DNAAF9: variants seen among roughly 807,000 people sequenced by gnomAD.
DNAAF9 encodes the protein shulin.
Under a neutral mutation model 167.0 loss-of-function variants are expected in DNAAF9, and 90 were observed. The observed-to-expected ratio is 0.54, with a 90% CI of 0.45 to 0.64. The LOEUF is 0.64. DNAAF9 is among the 30% of genes least tolerant of loss of function. DNAAF9 has a pLI of 0.00. For missense variants in DNAAF9, 1,315 were observed against 1,442.2 expected (o/e 0.91, Z 1.43); for synonymous variants, 491 against 508.8 (o/e 0.96, Z 0.47).
intron 7 of DNAAF9, among the ~76,000 whole-genome samples, chr20:3,357,399 G>C (rs752201941): frequency 6.6e-6 from 1 of 152,014 alleles, no homozygotes; most frequent in Non-Finnish European, 1.5e-5. Flanking sequence ...TGAACCTGTG[G>C]GGGTGGAAGT....
At chr20:3,387,673 A>G (rs1020291408) in intron 1 of DNAAF9, among the ~76,000 whole-genome samples, 3 of 151,998 alleles carry the variant, frequency 2.0e-5, no homozygotes, top group Non-Finnish European at 4.4e-5. Flanking sequence ...CTGTGCATCA[A>G]ATGACACAAG....
At chr20:3,390,974 C>T (rs1008235503) in intron 1 of DNAAF9, among the ~76,000 whole-genome samples, 3 of 152,098 alleles carry the variant, frequency 2.0e-5, no homozygotes, top group Admixed American at 6.6e-5. Context: ...TTCAAAGTTA[C>T]AACCAGCAAG....
intron 3 of DNAAF9, among the ~76,000 whole-genome samples, chr20:3,379,732 T>A (rs2083622163): frequency 6.6e-6 from 1 of 152,156 alleles, no homozygotes; most frequent in Non-Finnish European, 1.5e-5. Flanking sequence ...TGTAGGAAAA[T>A]GCTCATTTCC....
intron 12 of DNAAF9, among the ~76,000 whole-genome samples, chr20:3,328,187 T>TTTTTTTTGTTTTGTTTTG (rs747702006): frequency 0.041 from 6,018 of 148,282 alleles, 192 homozygotes; most frequent in African/African-American, 0.085. Context: ...GGCTCTGTTT[T>TTTTTTTTGTTTTGTTTTG]TTTTTTTTTT....
intron 6 of DNAAF9, among the ~76,000 whole-genome samples, chr20:3,372,651 C>T (rs1401084213): frequency 6.6e-6 from 1 of 152,204 alleles, no homozygotes; most frequent in Non-Finnish European, 1.5e-5. Context: ...CAATGTGATT[C>T]TAGCTGCAGC....
intron 6 of DNAAF9, chr20:3,361,894 A>G: frequency 6.7e-7 from 1 of 1,493,726 alleles, no homozygotes; most frequent in East Asian, 2.3e-5. Context: ...TTGCTCTAAC[A>G]CTGTCCTTCA....
chr20:3,256,986 G>A (rs942194230), intron 33 of DNAAF9, among the ~76,000 whole-genome samples: 1 of 152,092 alleles, frequency 6.6e-6, no homozygotes, highest in African/African-American at 2.4e-5. Flanking sequence ...GGGCAACAGA[G>A]CAAGACCCTG....
intron 20 of DNAAF9, among the ~76,000 whole-genome samples, chr20:3,310,389 G>GAAAGAAAGA (rs973030792): frequency 1.3e-5 from 2 of 149,744 alleles, no homozygotes; most frequent in East Asian, 2.0e-4. Context: ...AAGAAAGAAA[G>GAAAGAAAGA]AATTCCTAAA....
intron 1 of DNAAF9, 61 bp downstream of exon 1, chr20:3,407,414 C>G: frequency 8.1e-7 from 1 of 1,232,212 alleles, no homozygotes; most frequent in Non-Finnish European, 1.0e-6. Flanking sequence ...GAGGCGTCGC[C>G]GGACCCCGAC....
chr20:3,330,479 T>C (rs2069804265), intron 12 of DNAAF9, among the ~76,000 whole-genome samples, 167 bp downstream of exon 12: 1 of 151,994 alleles, frequency 6.6e-6, no homozygotes, highest in Non-Finnish European at 1.5e-5. Context: ...TGGTCTCAAG[T>C]GATCCTCCCA....
At chr20:3,280,470 C>A (rs927264535) in intron 28 of DNAAF9, among the ~76,000 whole-genome samples, 3 of 151,274 alleles carry the variant, frequency 2.0e-5, no homozygotes, top group African/African-American at 7.3e-5. Context: ...GAGGCTGAGG[C>A]AAGAAAATCG....
intron 7 of DNAAF9, among the ~76,000 whole-genome samples, chr20:3,349,904 T>C (rs1449638598): frequency 1.3e-5 from 2 of 152,148 alleles, no homozygotes; most frequent in Non-Finnish European, 2.9e-5. Context: ...GGTATGTATG[T>C]TAGTCGCCCA....
At chr20:3,322,538 G>C in intron 15 of DNAAF9, 114 bp downstream of exon 15, 1 of 875,092 alleles carries the variant, frequency 1.1e-6, no homozygotes, top group South Asian at 1.4e-5. Flanking sequence ...ACCCTGGAGT[G>C]ATGTCACTGC....
rs141326195 is a variant in DNAAF9, at chr20:3,274,738, C to G, written c.2650+4174G>C. 3.7e-3 allele frequency among the ~76,000 whole-genome samples: 567 copies of G among 152,326 alleles called. 3 individuals are homozygous for G. Among genetic ancestry groups the G allele is most frequent in the Admixed American group, 5.2e-3 (80 of 15,304 alleles). ...ATTTCCACCACTACCACCATCAGCA[C>G]TGTCAATTGAGCATCAGCCTGAGAA... On this transcript the variant is annotated intron_variant, in intron 29 of 36. Transcript: ENST00000252032.
intron 1 of DNAAF9, among the ~76,000 whole-genome samples, chr20:3,396,339 AATTT>A (rs2083906720): frequency 6.6e-6 from 1 of 152,118 alleles, no homozygotes; most frequent in South Asian, 2.1e-4. Flanking sequence ...TTTTATTTAC[AATTT>A]ATTTACAGTT....
At chr20:3,278,731 C>T (rs572830818) in intron 29 of DNAAF9, among the ~76,000 whole-genome samples, 181 bp downstream of exon 29, 16 of 152,086 alleles carry the variant, frequency 1.1e-4, no homozygotes, top group African/African-American at 3.4e-4. Flanking sequence ...AAAAAAGAGA[C>T]AAGCTCTTGG....
rs763762685 is a variant in DNAAF9 at position 3,294,544 on chromosome 20, G to A, written c.2104C>T (p.Leu702Phe). The change falls in exon 24 of 37, where the codon CTC becomes TTC. Residue 702 changes from leucine to phenylalanine, a missense_variant. Coordinates refer to ENST00000252032, the MANE Select transcript of DNAAF9 (RefSeq NM_001009984.3). The part of the protein sequence containing the change: ...RSSLKLLSAK[L>F]PELDWFLQHF... ...AGAGCTTACCAGTCCAGCTCTGGGA[G>A]TTTGGCTGAGAGTAACTTTAGGGAA... 4 of 1,610,616 alleles carry A rather than the reference G, an allele frequency of 2.5e-6. No individual in the cohort carries two copies. The highest frequency in any genetic ancestry group is 1.1e-5 in the South Asian group (1 of 91,032).
At chr20:3,335,568 C>G (rs960318966) in intron 10 of DNAAF9, among the ~76,000 whole-genome samples, 1 of 151,700 alleles carries the variant, frequency 6.6e-6, no homozygotes, top group Non-Finnish European at 1.5e-5. Context: ...ACCAGCCTGG[C>G]CAACATAGTG....
At chr20:3,394,626 A>T (rs1372216137) in intron 1 of DNAAF9, among the ~76,000 whole-genome samples, 1 of 152,190 alleles carries the variant, frequency 6.6e-6, no homozygotes, top group Non-Finnish European at 1.5e-5. Context: ...ACTTTCGTGA[A>T]GCAGGAACCC....
Sources: allele counts gnomAD v4.1 joint callset (sites outside exome capture counted in the v4.1 genomes callset), GRCh38; gene constraint gnomAD v4.1.1; transcripts MANE v1.5; gene names NCBI Gene and HGNC (gene_info 2026-07-23, HGNC 2026-07-21).